RUNX1: variants seen among roughly 807,000 people sequenced by gnomAD.
The protein encoded by RUNX1 is RUNX family transcription factor 1.
A neutral mutation model predicts 42.8 loss-of-function variants in RUNX1; 19 were observed. The observed-to-expected ratio is 0.44, with a 90% CI of 0.31 to 0.65. RUNX1 has a LOEUF of 0.65. Among genes scored for constraint, RUNX1 ranks in the 30% least tolerant of loss-of-function variants. The pLI is 0.07. For missense variants in RUNX1, 528 were observed against 672.0 expected (o/e 0.79, Z 2.37); for synonymous variants, 271 against 289.4 (o/e 0.94, Z 0.64).
intron 2 of RUNX1, among the ~76,000 whole-genome samples, chr21:35,048,212 A>G (rs1249589678): frequency 6.6e-6 from 1 of 152,196 alleles, no homozygotes; most frequent in Non-Finnish European, 1.5e-5. Context: ...CATTGAGGCT[A>G]CAAGGAAAAA....
Position 34,892,624 on chromosome 21 carries a change from G to A in RUNX1, c.97+301C>T, listed in dbSNP as rs181591042. Among the ~76,000 whole-genome samples the A allele has an allele frequency of 3.3e-5, 5 of 152,202 alleles. No homozygotes were observed. In the East Asian group the frequency reaches 9.6e-4, roughly 29 times the overall value. ...GGTAATAAGCTGGGCTGTGAGGGAA[G>A]CCAAGCTCTGTTTTGTTTTTAGAGA... On this transcript the variant is annotated intron_variant, in intron 3 of 8. Transcript: ENST00000675419.
Position 34,838,540 on chromosome 21 carries a change from G to A in RUNX1, c.614-3939C>T, listed in dbSNP as rs1334262609. On this transcript the variant is annotated intron_variant, in intron 6 of 8. Transcript: ENST00000675419. Reference sequence around the variant, plus strand: ...TTGTGGTTCTTCTAAAAGCATATAAGAATTTTATATAGTCAATTTTAAAAG... The same window carrying A: ...TTGTGGTTCTTCTAAAAGCATATAAAAATTTTATATAGTCAATTTTAAAAG... 2.0e-5 allele frequency among the ~76,000 whole-genome samples: 3 copies of A among 152,140 alleles called. No individual in the cohort carries two copies. The East Asian group carries it at 5.8e-4, about 29-fold the overall frequency.
intron 2 of RUNX1, among the ~76,000 whole-genome samples, chr21:35,002,494 C>A (rs914643163): frequency 6.6e-6 from 1 of 151,754 alleles, no homozygotes; most frequent in African/African-American, 2.4e-5. Flanking sequence ...TTGGCGTGAT[C>A]TTGGCTCACT....
rs1569002296 is a variant in RUNX1 at position 34,792,415 on chromosome 21, G to T, written c.1163C>A (p.Ser388Ter). ...HTYLPPPYPG[S>*]SQAQGGPFQA... ...GAACGGGCCTCCCTGCGCTTGCGAC[G>T]AGCCGGGGTAGGGCGGCGGCAGGTA... Residue 388 changes from serine to a stop codon, truncating the protein, a stop_gained, in exon 9 of 9, where the codon TCG becomes TAG. Coordinates refer to ENST00000675419, the MANE Select transcript of RUNX1 (RefSeq NM_001754.5). LOFTEE classifies it high-confidence loss of function. This position sits in a 1 kb window ranked among gnomAD's most constrained non-coding sequence, Gnocchi z 6.9. 6.4e-7 allele frequency: 1 copy of T among 1,569,812 alleles called. No individual in the cohort carries two copies. Among genetic ancestry groups the T allele is most frequent in the Non-Finnish European group, 8.6e-7 (1 of 1,157,620 alleles).
chr21:34,979,960 C>T (rs1411397653), intron 2 of RUNX1, among the ~76,000 whole-genome samples: 1 of 152,210 alleles, frequency 6.6e-6, no homozygotes, highest in African/African-American at 2.4e-5. Flanking sequence ...CAGAACACAG[C>T]TCTGCCCCTG....
intron 2 of RUNX1, among the ~76,000 whole-genome samples, chr21:34,993,312 G>A (rs2146838472): frequency 1.3e-5 from 2 of 152,160 alleles, no homozygotes; most frequent in Middle Eastern, 3.4e-3. Flanking sequence ...TAAGATGTAG[G>A]GTAGAAACCA....
At chr21:34,868,768 G>T (rs968924058) in intron 5 of RUNX1, among the ~76,000 whole-genome samples, 9 of 152,208 alleles carry the variant, frequency 5.9e-5, no homozygotes, top group South Asian at 2.1e-4. Context: ...AGCCCCCAAG[G>T]CTGTGGGTTC....
rs2056463293 is a variant in RUNX1 at position 34,792,638 on chromosome 21, G to GGC, written c.968-29_968-28insGC. On this transcript the variant is annotated intron_variant, in intron 8 of 8. Transcript: ENST00000675419. This position sits in a 1 kb window ranked among gnomAD's most constrained non-coding sequence, Gnocchi z 6.9. Reference sequence around the variant, plus strand: ...GCAGGGCGGGCAAGAGAACGGAGCGGAAGTGAGTAGGAGGTTGCGGAGGCC... The same window carrying GGC: ...GCAGGGCGGGCAAGAGAACGGAGCGGGCAAGTGAGTAGGAGGTTGCGGAGGCC... The GGC allele has an allele frequency of 4.5e-6, 7 of 1,549,498 alleles. No homozygotes were observed. Among genetic ancestry groups the GGC allele is most frequent in the Admixed American group, 1.9e-5 (1 of 51,638 alleles).
At chr21:34,876,968 T>C (rs2057823053) in intron 5 of RUNX1, among the ~76,000 whole-genome samples, 3 of 152,318 alleles carry the variant, frequency 2.0e-5, no homozygotes, top group Non-Finnish European at 4.4e-5. Context: ...GCGATTCTCC[T>C]GCCTCATCCT....
intron 2 of RUNX1, among the ~76,000 whole-genome samples, chr21:34,925,864 G>A (rs892631229): frequency 2.6e-5 from 4 of 152,088 alleles, no homozygotes; most frequent in Non-Finnish European, 5.9e-5. Context: ...AATGGAGATG[G>A]GAGTTCACAA....
At chr21:34,913,508 G>A (rs938504234) in intron 2 of RUNX1, among the ~76,000 whole-genome samples, 16 of 152,190 alleles carry the variant, frequency 1.1e-4, no homozygotes, top group African/African-American at 2.9e-4. Context: ...AGCCTTCTGC[G>A]TCAGCTGGAC....
intron 2 of RUNX1, among the ~76,000 whole-genome samples, chr21:34,931,333 C>T (rs553263889): frequency 7.1e-6 from 1 of 140,586 alleles, no homozygotes; most frequent in East Asian, 2.0e-4. Context: ...TATATATACA[C>T]ATTTATATAT....
At chr21:34,945,671 G>A (rs528867990) in intron 2 of RUNX1, among the ~76,000 whole-genome samples, 9 of 152,252 alleles carry the variant, frequency 5.9e-5, no homozygotes, top group Admixed American at 2.6e-4. Context: ...GTGGCAACTC[G>A]AGACTTTTCT....
At position 34,901,173 on chromosome 21, in the gene RUNX1, G is replaced by T. The variant is rs560858026; in HGVS notation, c.59-8210C>A. ...ACTTGCCTGTGTTGGTTCTTAAGGG[G>T]CTGCTGGGAACCCCTGAAGGTCCAA... On this transcript the variant is annotated intron_variant, in intron 2 of 8. Transcript: ENST00000675419. The surrounding 1 kb of genome is among the most constrained non-coding windows in gnomAD (Gnocchi z 4.3). Among the ~76,000 whole-genome samples the T allele has an allele frequency of 3.9e-4, 60 of 152,072 alleles. No individual in the cohort carries two copies. The highest frequency in any genetic ancestry group is 1.4e-3 in the African/African-American group (59 of 41,450).
At chr21:35,040,770 CCAAAAAA>C (rs1206284531) in intron 2 of RUNX1, among the ~76,000 whole-genome samples, 3 of 50,988 alleles carry the variant, frequency 5.9e-5, no homozygotes, top group African/African-American at 1.5e-4. Flanking sequence ...TAGACTCCAT[CCAAAAAA>C]AAAAAAAAAA....
chr21:34,958,200 G>A (rs1174077689), intron 2 of RUNX1, among the ~76,000 whole-genome samples: 1 of 152,134 alleles, frequency 6.6e-6, no homozygotes, highest in African/African-American at 2.4e-5. Flanking sequence ...GGGACTCCAA[G>A]TCTAGACACT....
chr21:34,961,289 G>A (rs562947208), intron 2 of RUNX1, among the ~76,000 whole-genome samples: 3 of 151,994 alleles, frequency 2.0e-5, no homozygotes, highest in East Asian at 1.9e-4. Context: ...CAGGGGAGGC[G>A]GATGTTACAG....
At chr21:34,949,786 A>C (rs1303685797) in intron 2 of RUNX1, among the ~76,000 whole-genome samples, 1 of 152,228 alleles carries the variant, frequency 6.6e-6, no homozygotes, top group African/African-American at 2.4e-5. Flanking sequence ...ACATATGTTC[A>C]CTAGTCATAT....
intron 2 of RUNX1, among the ~76,000 whole-genome samples, chr21:34,970,982 A>G (rs1228616223): frequency 6.6e-6 from 1 of 152,212 alleles, no homozygotes; most frequent in Admixed American, 6.5e-5. Flanking sequence ...TTTTATATCT[A>G]TCGCCCATTT....
Sources: allele counts gnomAD v4.1 joint callset (sites outside exome capture counted in the v4.1 genomes callset), GRCh38; gene constraint gnomAD v4.1.1; non-coding constraint Gnocchi (gnomAD v3.1); transcripts MANE v1.5; gene names NCBI Gene and HGNC (gene_info 2026-07-23, HGNC 2026-07-21).